The following SH3GL3 variants were observed in gnomAD, a reference collection of about 807,000 sequenced individuals.
The protein encoded by SH3GL3 is SH3 domain containing GRB2 like 3, endophilin A3, also known as endophilin-A3.
In SH3GL3, 33 loss-of-function variants were observed where a neutral mutation model predicts 47.7. The observed-to-expected ratio is 0.69, with a 90% confidence interval of 0.52 to 0.92. The LOEUF is 0.92. Among genes scored for constraint, SH3GL3 ranks in the 40% least tolerant of loss-of-function variants. The pLI is 0.00. For missense variants in SH3GL3, 363 were observed against 417.8 expected (o/e 0.87, Z 1.14); for synonymous variants, 155 against 148.8 (o/e 1.04, Z -0.30).
At chr15:83,519,789 C>T (rs1009003177) in intron 1 of SH3GL3, among the ~76,000 whole-genome samples, 11 of 152,134 alleles carry the variant, frequency 7.2e-5, no homozygotes, top group Non-Finnish European at 1.2e-4. Context: ...AGTATCTATA[C>T]GTGTAAGTGT....
intron 8 of SH3GL3, chr15:83,609,290 G>A (rs2060604696): frequency 2.2e-6 from 1 of 455,944 alleles, no homozygotes; most frequent in African/African-American, 2.0e-5. Context: ...ACTGGAACCA[G>A]CAGATTAGGA....
intron 1 of SH3GL3, among the ~76,000 whole-genome samples, chr15:83,456,793 T>C (rs548354792): frequency 6.6e-6 from 1 of 152,166 alleles, no homozygotes; most frequent in Admixed American, 6.5e-5. Context: ...CTGGGAGCTG[T>C]AGACCGGAGC....
intron 8 of SH3GL3, 38 bp downstream of exon 8, chr15:83,588,809 G>A (rs766112491): frequency 1.1e-5 from 12 of 1,069,632 alleles, no homozygotes; most frequent in Non-Finnish European, 1.5e-5. Flanking sequence ...TGTGCCTTTA[G>A]TAAAGCACTT....
chr15:83,460,932 A>C (rs947673489), intron 1 of SH3GL3, among the ~76,000 whole-genome samples: 4 of 152,022 alleles, frequency 2.6e-5, no homozygotes, highest in African/African-American at 9.7e-5. Flanking sequence ...AAATACAGAA[A>C]ATTAGCTGGG....
chr15:83,594,396 G>A (rs960346911), intron 8 of SH3GL3, among the ~76,000 whole-genome samples: 4 of 152,048 alleles, frequency 2.6e-5, no homozygotes, highest in Admixed American at 2.0e-4. Flanking sequence ...AAGTTGTGAC[G>A]ATAGCACAGG....
chr15:83,531,024 T>A (rs1240444300), intron 1 of SH3GL3, among the ~76,000 whole-genome samples: 1 of 152,204 alleles, frequency 6.6e-6, no homozygotes, highest in Admixed American at 6.5e-5. Flanking sequence ...CCAATTTCCC[T>A]TGACTTTTAT....
chr15:83,466,428 A>ATATATATG (rs2151520050), intron 1 of SH3GL3, among the ~76,000 whole-genome samples: 1 of 151,904 alleles, frequency 6.6e-6, no homozygotes, highest in Non-Finnish European at 1.5e-5. Context: ...ATATATATAT[A>ATATATATG]TGGGGAAAGG....
intron 1 of SH3GL3, among the ~76,000 whole-genome samples, chr15:83,510,220 A>G (rs1413876171): frequency 3.9e-5 from 6 of 152,298 alleles, no homozygotes; most frequent in African/African-American, 1.4e-4. Context: ...CTCATTTTGT[A>G]TAGAAATGCA....
intron 1 of SH3GL3, among the ~76,000 whole-genome samples, chr15:83,553,420 T>C (rs1394894163): frequency 6.6e-6 from 1 of 152,210 alleles, no homozygotes; most frequent in Non-Finnish European, 1.5e-5. Context: ...TCCAATTATA[T>C]AGATGATCAT....
At chr15:83,599,441 CATG>C (rs1183156374) in intron 8 of SH3GL3, among the ~76,000 whole-genome samples, 3 of 152,208 alleles carry the variant, frequency 2.0e-5, no homozygotes, top group African/African-American at 7.2e-5. Context: ...GGTGAGAACA[CATG>C]ATGTTTGGTT....
At chr15:83,574,189 C>G (rs759077432) in intron 5 of SH3GL3, among the ~76,000 whole-genome samples, 3 of 152,090 alleles carry the variant, frequency 2.0e-5, no homozygotes, top group Non-Finnish European at 4.4e-5. Flanking sequence ...TCACGGAAAG[C>G]CCTGGATGCC....
Position 83,566,363 on chromosome 15 carries a change from A to AGTGTGTGTGT in SH3GL3, c.187+1158_187+1159insTGTGTGTGTG, listed in dbSNP as rs1420988424. On this transcript the variant is annotated intron_variant, in intron 3 of 8. Coordinates refer to ENST00000427482, the MANE Select transcript of SH3GL3 (RefSeq NM_003027.5). ...AAGATGGGCAGAGAGAGAGAGAGAGAGAGTGTGTGTGTGTGTGTGTGTGTG... is the reference window on the plus strand; with the variant it reads ...AAGATGGGCAGAGAGAGAGAGAGAGAGTGTGTGTGTGAGTGTGTGTGTGTGTGTGTGTGTG... Among the ~76,000 whole-genome samples the AGTGTGTGTGT allele has an allele frequency of 1.1e-3, 136 of 128,300 alleles. 1 individual carries two copies. In the South Asian group the frequency reaches 0.018, roughly 17 times the overall value. The allele number at this position is 128,300 out of a possible 152,430, so 84.2% of individuals were successfully genotyped here. A position where few individuals can be genotyped will look rare whatever the true frequency, so the allele number is the denominator to read the frequency against.
chr15:83,560,781 G>A (rs2045228232), intron 2 of SH3GL3, among the ~76,000 whole-genome samples: 1 of 152,082 alleles, frequency 6.6e-6, no homozygotes, highest in South Asian at 2.1e-4. Context: ...ATACAGAAAT[G>A]AGAAAGTAAT....
At chr15:83,588,123 G>A (rs1229766211) in intron 7 of SH3GL3, among the ~76,000 whole-genome samples, 1 of 152,090 alleles carries the variant, frequency 6.6e-6, no homozygotes, top group Non-Finnish European at 1.5e-5. Context: ...GTTTTGTTTT[G>A]TTTTGTTTTG....
At chr15:83,479,382 C>G (rs923204432) in intron 1 of SH3GL3, among the ~76,000 whole-genome samples, 14 of 151,796 alleles carry the variant, frequency 9.2e-5, no homozygotes, top group Non-Finnish European at 1.5e-4. Context: ...GCAGTGATCC[C>G]GGGAAAACTA....
chr15:83,537,728 G>C (rs1320565446), intron 1 of SH3GL3, among the ~76,000 whole-genome samples: 1 of 152,090 alleles, frequency 6.6e-6, no homozygotes, highest in Non-Finnish European at 1.5e-5. Context: ...TATCTTGGGA[G>C]CAGTTTTCTA....
chr15:83,472,103 C>T (rs180946430), intron 1 of SH3GL3, among the ~76,000 whole-genome samples: 6 of 152,272 alleles, frequency 3.9e-5, no homozygotes, highest in East Asian at 1.9e-4. Flanking sequence ...AGGCTCATCT[C>T]GAACTCCTGA....
chr15:83,568,734 A>G (rs2045676910), intron 4 of SH3GL3, 62 bp downstream of exon 4: 3 of 1,234,404 alleles, frequency 2.4e-6, no homozygotes, highest in Admixed American at 2.0e-5. Context: ...TTTAGGTTAT[A>G]CACAAACCCT....
At chr15:83,559,877 A>C (rs1476930080) in intron 2 of SH3GL3, among the ~76,000 whole-genome samples, 2 of 152,196 alleles carry the variant, frequency 1.3e-5, no homozygotes, top group Non-Finnish European at 2.9e-5. Context: ...TTTTGTGAGA[A>C]TTATGCAAAC....
Sources: allele counts gnomAD v4.1 joint callset (sites outside exome capture counted in the v4.1 genomes callset), GRCh38; gene constraint gnomAD v4.1.1; transcripts MANE v1.5; gene names NCBI Gene and HGNC (gene_info 2026-07-23, HGNC 2026-07-21).